UNC45A: variants seen among roughly 807,000 people sequenced by gnomAD.
UNC45A encodes protein unc-45 homolog A.
UNC45A carries 78 observed loss-of-function variants against 103.2 expected under a neutral mutation model. That is an observed-to-expected ratio of 0.76 (90% CI 0.63 to 0.91). UNC45A has a LOEUF of 0.91. Among genes scored for constraint, UNC45A ranks in the 40% least tolerant of loss-of-function variants. The pLI, the probability that UNC45A is intolerant of heterozygous loss-of-function variation, is 0.00. For synonymous variants in UNC45A, 495 were observed against 504.6 expected (o/e 0.98, Z 0.25); for missense variants, 1,193 against 1,224.8 (o/e 0.97, Z 0.39).
In UNC45A at chr15:90,953,681, T is replaced by C. The variant is rs775788021; in HGVS notation, c.2800T>C (p.Tyr934His). Residue 934 changes from tyrosine (Y) to histidine (H), a missense_variant, in exon 20 of 20, where the codon TAT (tyrosine) becomes CAT (histidine). By Grantham distance (83) the Tyr-to-His change is moderately conservative (BLOSUM62 2). Coordinates refer to ENST00000418476, the MANE Select transcript of UNC45A (RefSeq NM_018671.5). ...AGCCTGCCTGGACAAAGCAGTGGAA[T>C]ATGGGCTTATCCAACCCAACCAAGA... ...AAACLDKAVE[Y>H]GLIQPNQDGE 2.5e-6 allele frequency: 4 copies of C among 1,613,956 alleles called. No individual in the cohort carries two copies. In the African/African-American group the frequency reaches 5.3e-5, roughly 22 times the overall value.
intron 15 of UNC45A, 39 bp downstream of exon 15, chr15:90,949,759 A>G: frequency 6.2e-7 from 1 of 1,604,620 alleles, no homozygotes; most frequent in Non-Finnish European, 8.5e-7. Context: ...TGGCTGAGCC[A>G]TCAGCCTATA....
At chr15:90,951,564 C>A (rs2036915146) in intron 17 of UNC45A, among the ~76,000 whole-genome samples, 1 of 151,538 alleles carries the variant, frequency 6.6e-6, no homozygotes, top group Non-Finnish European at 1.5e-5. Context: ...GAAGTTCAGG[C>A]CAGCCTGAGC....
In UNC45A at chr15:90,950,519, C is replaced by T. The variant is rs1464769456; in HGVS notation, c.2207C>T (p.Pro736Leu). 2 of 1,613,974 alleles carry T rather than the reference C, an allele frequency of 1.2e-6. No homozygotes were observed. Among genetic ancestry groups the T allele is most frequent in the East Asian group, 2.2e-5 (1 of 44,896 alleles). ...PGERIYEVVR[P>L]LVSLLHLNCS... The stretch of plus-strand genomic sequence containing the variant: ...TTGCAGATCTATGAGGTGGTCCGGC[C>T]CCTCGTCTCCCTGTTGCACCTCAAC... The change falls in exon 17 of 20, where the codon CCC becomes CTC. Residue 736 changes from proline (P) to leucine (L), a missense_variant. Coordinates refer to ENST00000418476, the MANE Select transcript of UNC45A (RefSeq NM_018671.5).
At chr15:90,946,035 C>T (rs2036550136) in intron 9 of UNC45A, among the ~76,000 whole-genome samples, 2 of 149,444 alleles carry the variant, frequency 1.3e-5, no homozygotes, top group South Asian at 2.1e-4. Context: ...GGGTGATCAC[C>T]TTAGGTCAGG....
intron 8 of UNC45A, 141 bp downstream of exon 8, chr15:90,943,223 T>G: frequency 9.4e-7 from 1 of 1,066,984 alleles, no homozygotes; most frequent in Non-Finnish European, 1.3e-6. Context: ...AGCCGGGAGT[T>G]TGAGATCAGC....
At chr15:90,935,124 G>A (rs547276271), upstream of UNC45A, 131 of 610,724 alleles carry the variant, frequency 2.1e-4, no homozygotes, top group South Asian at 2.5e-3. Context: ...CAGCTTAGGT[G>A]CGCCCGGAGC....
At chr15:90,933,749 T>A (rs2035886070), upstream of UNC45A, 2 of 291,312 alleles carry the variant, frequency 6.9e-6, no homozygotes, top group Admixed American at 1.0e-4. Context: ...TGTTTGTTCT[T>A]CATACTAATG....
upstream of UNC45A, chr15:90,935,268 C>T (rs1056559845): frequency 1.3e-6 from 2 of 1,535,148 alleles, no homozygotes; most frequent in African/African-American, 1.4e-5. Flanking sequence ...GTCCCGAACC[C>T]AGACTCGCCC....
rs1416629105 is a variant in UNC45A at position 90,953,177 on chromosome 15, A to G, written c.2444A>G (p.Gln815Arg). 2.5e-6 allele frequency: 4 copies of G among 1,613,680 alleles called. No individual in the cohort carries two copies. The highest frequency in any genetic ancestry group is 1.3e-5 in the African/African-American group (1 of 74,924). Residue 815 changes from glutamine to arginine, a missense_variant, in exon 19 of 20, where the codon CAG becomes CGG. Coordinates refer to ENST00000418476, the MANE Select transcript of UNC45A (RefSeq NM_018671.5). ...CAGGTGCAGGACCTCTTCGAAGCCC[A>G]GGGCAATGACCGACTGAAGCTGCTG... ...SKEVQDLFEA[Q>R]GNDRLKLLVL...
chr15:90,934,090 G>T (rs368001264), upstream of UNC45A: 9 of 399,204 alleles, frequency 2.3e-5, no homozygotes, highest in Non-Finnish European at 4.4e-6. Flanking sequence ...CTATCTGTGG[G>T]GCTACTGCTG....
At chr15:90,943,712 A>T (rs1308915579) in intron 8 of UNC45A, among the ~76,000 whole-genome samples, 1 of 151,340 alleles carries the variant, frequency 6.6e-6, no homozygotes, top group Non-Finnish European at 1.5e-5. Context: ...TTTTTGAGAC[A>T]GAGTCTCACT....
At chr15:90,940,116 TC>T (rs1305480796) in intron 5 of UNC45A, among the ~76,000 whole-genome samples, 189 bp from the exon 6 acceptor site, 1 of 152,196 alleles carries the variant, frequency 6.6e-6, no homozygotes, top group East Asian at 1.9e-4. Flanking sequence ...GCTCTAACCA[TC>T]AATCCCGAGA....
In UNC45A at chr15:90,946,833, C is replaced by T. The variant is rs2151370120; in HGVS notation, c.1419C>T (p.Phe473=). The part of the protein sequence containing the change: ...HAAGKAKRAS[F]ITANGVSLLK... Reference sequence around the variant, plus strand: ...CCGGCAAGGCTAAGCGGGCCTCATTCATCACTGCCAATGGTGTCTCGCTGC... The same window carrying T: ...CCGGCAAGGCTAAGCGGGCCTCATTTATCACTGCCAATGGTGTCTCGCTGC... The change falls in exon 10 of 20, where the codon TTC becomes TTT. Residue 473 remains phenylalanine, a synonymous_variant. Coordinates refer to ENST00000418476, the MANE Select transcript of UNC45A (RefSeq NM_018671.5). 3.1e-6 allele frequency: 5 copies of T among 1,611,840 alleles called. No homozygotes were observed. The highest frequency in any genetic ancestry group is 1.3e-5 in the African/African-American group (1 of 74,946).
At chr15:90,930,264 G>A (rs1271991795) in intron 1 of UNC45A, 1 of 152,226 alleles carries the variant, frequency 6.6e-6, no homozygotes, top group Non-Finnish European at 1.5e-5. Context: ...AGGTACTGGG[G>A]AACCGGAATC....
In UNC45A at chr15:90,936,289, T is replaced by C. The variant is rs2036014872; in HGVS notation, c.255T>C (p.Ile85=). The part of the protein sequence containing the change: ...DKAETEASKA[I]EKDGGDVKAL... ...AGCGCTCCTGTTTGTGCTCAGCCATTGAAAAGGATGGTGGGGATGTCAAAG... is the reference window on the plus strand; with the variant it reads ...AGCGCTCCTGTTTGTGCTCAGCCATCGAAAAGGATGGTGGGGATGTCAAAG... The change falls in exon 4 of 20, where the codon ATT becomes ATC. Residue 85 remains isoleucine (I), a synonymous_variant. Transcript: ENST00000418476. The C allele has an allele frequency of 6.2e-7, 1 of 1,611,724 alleles. No homozygotes were observed. Among genetic ancestry groups the C allele is most frequent in the Admixed American group, 1.7e-5 (1 of 59,424 alleles).
At position 90,947,797 on chromosome 15, in the gene UNC45A, G is replaced by A. The variant is rs1160237021; in HGVS notation, c.1502G>A (p.Gly501Glu). 2 of 1,613,764 alleles carry A rather than the reference G, an allele frequency of 1.2e-6. No homozygotes were observed. The highest frequency in any genetic ancestry group is 1.7e-5 in the Admixed American group (1 of 60,000). The part of the protein sequence containing the change: ...KDSIRIRALV[G>E]LCKLGSAGGT... ...ACTGGTCTTGCCCTCTTCCTCCAGGGACTCTGTAAGCTCGGTTCGGCTGGA... is the reference window on the plus strand; with the variant it reads ...ACTGGTCTTGCCCTCTTCCTCCAGGAACTCTGTAAGCTCGGTTCGGCTGGA... The change falls in exon 11 of 20, where the codon GGA becomes GAA. Residue 501 changes from glycine (G) to glutamate (E), a missense_variant and splice_region_variant. Physicochemically the swap from Gly to Glu is moderately conservative, Grantham distance 98 (BLOSUM62 -2). Coordinates refer to ENST00000418476, the MANE Select transcript of UNC45A (RefSeq NM_018671.5).
chr15:90,937,048 TG>T (rs1461004995), intron 4 of UNC45A, among the ~76,000 whole-genome samples: 2 of 152,200 alleles, frequency 1.3e-5, no homozygotes, highest in African/African-American at 4.8e-5. Flanking sequence ...ACTTGTTGAA[TG>T]AACAAAGCAA....
At chr15:90,948,853 C>A (rs894188395) in intron 13 of UNC45A, 59 bp downstream of exon 13, 7 of 1,392,872 alleles carry the variant, frequency 5.0e-6, no homozygotes, top group South Asian at 1.3e-5. Context: ...TAACCCAGGG[C>A]ATCCACAGCA....
In UNC45A at chr15:90,939,747, C is replaced by T. The variant is rs200736586; in HGVS notation, c.443C>T (p.Ser148Leu). The change falls in exon 5 of 20, where the codon TCG becomes TTG. Residue 148 changes from serine to leucine, a missense_variant. Coordinates refer to ENST00000418476, the MANE Select transcript of UNC45A (RefSeq NM_018671.5). ...TTTGTCTAGGTGCGATACATGTCCT[C>T]GACGGATGCCAAAGTGGAACAGATG... ...QIQEKVRYMSSTDAKVEQMFQ... is the reference protein window; with the variant it reads ...QIQEKVRYMSLTDAKVEQMFQ... 46 of 1,614,032 alleles carry T rather than the reference C, an allele frequency of 2.9e-5. No individual in the cohort carries two copies. The highest frequency in any genetic ancestry group is 1.7e-4 in the African/African-American group (13 of 74,918).
Sources: gnomAD v4.1 joint callset for allele counts (sites outside exome capture counted in the v4.1 genomes callset) on GRCh38, gnomAD v4.1.1 for gene constraint, MANE v1.5 for transcripts, NCBI Gene and HGNC (gene_info 2026-07-23, HGNC 2026-07-21) for gene names.